Variants in RNF19A observed in about 807,000 individuals in gnomAD.
RNF19A encodes ring finger protein 19A, RBR E3 ubiquitin protein ligase.
A neutral mutation model predicts 75.7 loss-of-function variants in RNF19A; 32 were observed. The ratio of observed to expected loss-of-function variants is 0.42; its 90% CI spans 0.32 to 0.57. The LOEUF is 0.57. Among genes scored for constraint, RNF19A ranks in the 20% least tolerant of loss-of-function variants. RNF19A has a pLI of 0.10. For synonymous variants in RNF19A, 335 were observed against 345.2 expected (o/e 0.97, Z 0.33); for missense variants, 782 against 1,036.3 (o/e 0.75, Z 3.37).
At position 100,317,414 on chromosome 8, in the gene RNF19A, C is replaced by G. The variant is rs1023782998; in HGVS notation, c.-242-4042G>C. Among the ~76,000 whole-genome samples, 19 of 152,254 alleles carry G rather than the reference C, an allele frequency of 1.2e-4. No individual in the cohort carries two copies. The highest frequency in any genetic ancestry group is 1.5e-5 in the Non-Finnish European group (1 of 68,034). Reference sequence around the variant, plus strand: ...AAGTTTTCTTCCACTAGATCTCTCACTGGGCCCTTCAGAGAGTGCCAGGGG... The same window carrying G: ...AAGTTTTCTTCCACTAGATCTCTCAGTGGGCCCTTCAGAGAGTGCCAGGGG... On this transcript the variant is annotated intron_variant, in intron 1 of 3. Transcript: ENST00000519527. This position sits in a 1 kb window ranked among gnomAD's most constrained non-coding sequence, Gnocchi z 4.3.
intron 1 of RNF19A, among the ~76,000 whole-genome samples, chr8:100,316,438 T>C (rs1220219589): frequency 6.6e-6 from 1 of 152,158 alleles, no homozygotes; most frequent in African/African-American, 2.4e-5. Context: ...TAGAGCCAAG[T>C]GGTCTGTTTT....
intron 1 of RNF19A, among the ~76,000 whole-genome samples, chr8:100,315,394 G>GT (rs1157872344): frequency 4.6e-5 from 7 of 150,602 alleles, no homozygotes; most frequent in African/African-American, 1.7e-4. Context: ...TTGTTTCACT[G>GT]GGGGGGAAAA....
chr8:100,267,725 G>GGAGT (rs1820051317), intron 5 of RNF19A, among the ~76,000 whole-genome samples: 1 of 147,232 alleles, frequency 6.8e-6, no homozygotes, highest in Non-Finnish European at 1.5e-5. Context: ...TGCCTAGGAT[G>GGAGT]GAGTGCAATG....
Position 100,322,434 on chromosome 8 carries a change from G to A in RNF19A, c.-242-9062C>T, listed in dbSNP as rs944100248. ...CCTCTCAGCTTTCATAAAATTGAAG[G>A]GAGTTAGGGCCTTGCCCTGGATTAG... is the stretch of plus-strand genomic sequence containing the variant. On this transcript the variant is annotated intron_variant, in intron 1 of 3. Coordinates refer to the RNF19A transcript ENST00000519527. This position sits in a 1 kb window ranked among gnomAD's most constrained non-coding sequence, Gnocchi z 5.1. Among the ~76,000 whole-genome samples the A allele has an allele frequency of 6.6e-6, 1 of 152,198 alleles. No individual in the cohort carries two copies. The highest frequency in any genetic ancestry group is 2.4e-5 in the African/African-American group (1 of 41,444).
At chr8:100,310,250 T>A, upstream of RNF19A, 1 of 985,022 alleles carries the variant, frequency 1.0e-6, no homozygotes, top group Non-Finnish European at 1.2e-6. Flanking sequence ...TGGACGCGGC[T>A]GTTCCCTTGC....
Position 100,268,853 on chromosome 8 carries a change from T to C in RNF19A, c.1123A>G (p.Ile375Val), listed in dbSNP as rs776934212. ...LGTLVGAPVG[I>V]ALIAGIAIPA... ...ATAGCAATGCCAGCTATTAAAGCGA[T>C]TCCGACAGGAGCACCAACCAGTGTT... is the stretch of plus-strand genomic sequence containing the variant. The change falls in exon 5 of 10, where the codon ATC becomes GTC. Residue 375 changes from isoleucine (I) to valine (V), a missense_variant. Ile to Val is a conservative substitution (Grantham distance 29). Coordinates refer to ENST00000341084, the MANE Select transcript of RNF19A (RefSeq NM_183419.4). The C allele has an allele frequency of 1.3e-5, 21 of 1,604,258 alleles. 1 individual carries two copies. The South Asian group carries it at 2.3e-4, about 18-fold the overall frequency.
At chr8:100,328,565 G>A (rs1042670285) in intron 1 of RNF19A, among the ~76,000 whole-genome samples, 1 of 151,680 alleles carries the variant, frequency 6.6e-6, no homozygotes, top group Non-Finnish European at 1.5e-5. Context: ...TCCACCTCCC[G>A]GGTTCAGGCG....
chr8:100,316,010 G>A (rs1822367777), intron 1 of RNF19A, among the ~76,000 whole-genome samples: 1 of 152,182 alleles, frequency 6.6e-6, no homozygotes, highest in South Asian at 2.1e-4. Context: ...GTGGACCCTT[G>A]CGGTGAGTGT....
Position 100,269,787 on chromosome 8 carries a change from A to G in RNF19A, c.1028+82T>C. Reference sequence around the variant, plus strand: ...AAACCAATCCCTTTAAGTATCTTATAAAACCCAAATTTAAGACAAGTTATT... The same window carrying G: ...AAACCAATCCCTTTAAGTATCTTATGAAACCCAAATTTAAGACAAGTTATT... On this transcript the variant is annotated intron_variant, in intron 4 of 9. Transcript: ENST00000341084. This position sits in a 1 kb window ranked among gnomAD's most constrained non-coding sequence, Gnocchi z 5.7. The G allele has an allele frequency of 1.7e-6, 2 of 1,148,098 alleles. No homozygotes were observed. The highest frequency in any genetic ancestry group is 2.3e-6 in the Non-Finnish European group (2 of 863,900). The allele number at this position is 1,148,098 out of a possible 1,614,324, so 71.1% of individuals were successfully genotyped here. A position where few individuals can be genotyped will look rare whatever the true frequency, so the allele number is the denominator to read the frequency against.
chr8:100,320,235 T>G (rs1822445963), intron 1 of RNF19A, among the ~76,000 whole-genome samples: 1 of 152,224 alleles, frequency 6.6e-6, no homozygotes, highest in African/African-American at 2.4e-5. Context: ...TAAGCAAAAT[T>G]TTACATAAAT....
intron 1 of RNF19A, among the ~76,000 whole-genome samples, chr8:100,293,869 CT>C (rs1490081410): frequency 3.9e-5 from 6 of 152,220 alleles, no homozygotes; most frequent in African/African-American, 1.4e-4. Flanking sequence ...CTTCTGCCAT[CT>C]CCAATCTGCT....
intron 1 of RNF19A, among the ~76,000 whole-genome samples, chr8:100,296,734 C>A (rs1254615675): frequency 6.6e-6 from 1 of 152,168 alleles, no homozygotes; most frequent in African/African-American, 2.4e-5. Context: ...GTAAATCATT[C>A]CTACTCTCGC....
chr8:100,269,186 T>C lies in RNF19A; in HGVS notation c.1029-239A>G, dbSNP rs1820137510. On this transcript the variant is annotated intron_variant, in intron 4 of 9. Transcript: ENST00000341084. This position sits in a 1 kb window ranked among gnomAD's most constrained non-coding sequence, Gnocchi z 5.7. ...TTTAATCTATATTATATTAACAAGA[T>C]ACTGATAACTGAAATTCAGGTTAAA... Among the ~76,000 whole-genome samples, 1 of 151,014 alleles carries C rather than the reference T, an allele frequency of 6.6e-6. No homozygotes were observed. The highest frequency in any genetic ancestry group is 1.5e-5 in the Non-Finnish European group (1 of 67,762).
Position 100,269,854 on chromosome 8 carries a change from C to A in RNF19A, c.1028+15G>T. 6.4e-7 allele frequency: 1 copy of A among 1,557,604 alleles called. No individual in the cohort carries two copies. Among genetic ancestry groups the A allele is most frequent in the Admixed American group, 2.0e-5 (1 of 49,894 alleles). On this transcript the variant is annotated intron_variant, in intron 4 of 9. Transcript: ENST00000341084. This position sits in a 1 kb window ranked among gnomAD's most constrained non-coding sequence, Gnocchi z 5.7. ...AATTACATTTACATATAAATAGCTC[C>A]TTCTATAAGCTTACCTTAGATAATG...
intron 1 of RNF19A, among the ~76,000 whole-genome samples, chr8:100,306,071 A>G (rs1211486164): frequency 6.6e-6 from 1 of 152,156 alleles, no homozygotes; most frequent in Non-Finnish European, 1.5e-5. Flanking sequence ...CTTCTACCAA[A>G]GTCTCTTCAA....
intron 3 of RNF19A, among the ~76,000 whole-genome samples, chr8:100,271,454 T>C (rs1031176559): frequency 7.2e-5 from 11 of 152,348 alleles, no homozygotes; most frequent in African/African-American, 2.4e-4. Context: ...GTAAGCAGCA[T>C]GTTAATCGAT....
At chr8:100,315,289 T>C (rs954013862) in intron 1 of RNF19A, among the ~76,000 whole-genome samples, 2 of 152,256 alleles carry the variant, frequency 1.3e-5, no homozygotes, top group South Asian at 2.1e-4. Flanking sequence ...CTCACTCTAA[T>C]ATAAGAGCCA....
intron 5 of RNF19A, among the ~76,000 whole-genome samples, chr8:100,267,593 C>A (rs1260000334): frequency 6.6e-6 from 1 of 151,788 alleles, no homozygotes; most frequent in East Asian, 1.9e-4. Context: ...TGGTCTTGAA[C>A]TCCCAGCCTC....
intron 1 of RNF19A, among the ~76,000 whole-genome samples, chr8:100,294,233 T>C (rs1160063217): frequency 1.3e-5 from 2 of 152,192 alleles, no homozygotes; most frequent in Non-Finnish European, 2.9e-5. Context: ...GGACTTTTAT[T>C]ATACTGGGCA....
Sources: gnomAD v4.1 joint callset for allele counts (sites outside exome capture counted in the v4.1 genomes callset) on GRCh38, gnomAD v4.1.1 for gene constraint, Gnocchi (gnomAD v3.1) non-coding constraint, MANE v1.5 for transcripts, NCBI Gene and HGNC (gene_info 2026-07-23, HGNC 2026-07-21) for gene names.